RHOU: variants seen among roughly 807,000 people sequenced by gnomAD.
RHOU encodes rho-related GTP-binding protein RhoU.
In RHOU, 8 loss-of-function variants were observed where a neutral mutation model predicts 12.6. That is an observed-to-expected ratio of 0.64 (90% confidence interval 0.37 to 1.15). The LOEUF (loss-of-function observed/expected upper bound fraction) is 1.15, where lower values mean the gene tolerates loss of function less well. Ranked by LOEUF, RHOU falls within the 50% of genes most tolerant of loss-of-function variation. RHOU has a pLI of 0.01. For synonymous variants in RHOU, 161 were observed against 147.4 expected (o/e 1.09, Z -0.67); for missense variants, 258 against 347.0 (o/e 0.74, Z 2.04).
chr1:228,653,054 C>T, the RHOU span, among the ~76,000 whole-genome samples: 1 of 152,176 alleles, frequency 6.6e-6, no homozygotes, highest in African/African-American at 2.4e-5. Context: ...ATATTGGTTA[C>T]ATTGCCATGA....
rs201253390 is a variant in RHOU, at chr1:228,743,341, C to T, written c.378C>T (p.Leu126=). ...LCYTNTDIFL[L]CFSVVSPSSF... ...ACACCAACACAGACATCTTCCTGCTCTGCTTCAGTGTCGTGAGCCCCTCAT... is the reference window on the plus strand; with the variant it reads ...ACACCAACACAGACATCTTCCTGCTTTGCTTCAGTGTCGTGAGCCCCTCAT... Residue 126 remains leucine, a synonymous_variant, in exon 3 of 3, where the codon CTC becomes CTT. Coordinates refer to ENST00000366691, the MANE Select transcript of RHOU (RefSeq NM_021205.6). This position sits in a 1 kb window ranked among gnomAD's most constrained non-coding sequence, Gnocchi z 5.1. The T allele has an allele frequency of 1.2e-5, 20 of 1,614,216 alleles. No homozygotes were observed. In the Admixed American group the frequency reaches 1.7e-4, roughly 13 times the overall value.
chr1:228,682,801 C>T, the RHOU span, among the ~76,000 whole-genome samples: 2 of 152,150 alleles, frequency 1.3e-5, no homozygotes, highest in Non-Finnish European at 2.9e-5. Flanking sequence ...ATATAAATAT[C>T]AGTAAATTTA....
At position 228,743,432 on chromosome 1, in the gene RHOU, A is replaced by T. The variant is rs763438997; in HGVS notation, c.469A>T (p.Ile157Phe). ...IRCHCPKAPI[I>F]LVGTQSDLRE... is the part of the protein sequence containing the mutation. The stretch of plus-strand genomic sequence containing the variant: ...ATGCCACTGTCCCAAAGCCCCCATC[A>T]TCCTAGTTGGAACGCAGTCGGATCT... The change falls in exon 3 of 3, where the codon ATC (isoleucine) becomes TTC (phenylalanine). Residue 157 changes from isoleucine (I) to phenylalanine (F), a missense_variant. Coordinates refer to ENST00000366691, the MANE Select transcript of RHOU (RefSeq NM_021205.6). This position sits in a 1 kb window ranked among gnomAD's most constrained non-coding sequence, Gnocchi z 5.1. 2 of 1,614,150 alleles carry T rather than the reference A, an allele frequency of 1.2e-6. No homozygotes were observed. The highest frequency in any genetic ancestry group is 3.3e-5 in the Admixed American group (2 of 60,026).
the RHOU span, among the ~76,000 whole-genome samples, chr1:228,714,810 C>T: frequency 1.6e-5 from 2 of 125,790 alleles, no homozygotes; most frequent in African/African-American, 6.4e-5. Context: ...ATGGCGTGGT[C>T]TCAGCTCACT....
the RHOU span, chr1:228,687,731 C>T: frequency 1.2e-5 from 17 of 1,443,800 alleles, 1 homozygote; most frequent in African/African-American, 9.8e-5. Context: ...TGGGTGAGCA[C>T]GTGACCAACT....
At chr1:228,648,862 T>G in the RHOU span, among the ~76,000 whole-genome samples, 2 of 67,666 alleles carry the variant, frequency 3.0e-5, no homozygotes, top group Non-Finnish European at 7.8e-5. Context: ...CTCTCTCTCT[T>G]TCTTTCTTTC....
chr1:228,675,264 C>T, the RHOU span, among the ~76,000 whole-genome samples: 2 of 152,102 alleles, frequency 1.3e-5, no homozygotes, highest in Non-Finnish European at 2.9e-5. Context: ...TTTATGGAAT[C>T]TCTATTTTTT....
the RHOU span, chr1:228,650,328 GC>G: frequency 2.2e-6 from 1 of 464,812 alleles, no homozygotes; most frequent in Non-Finnish European, 4.3e-6. Context: ...TTGGCTGCCG[GC>G]CCTACCTGGC....
chr1:228,646,641 C>T, the RHOU span, among the ~76,000 whole-genome samples: 1 of 144,024 alleles, frequency 6.9e-6, no homozygotes, highest in Non-Finnish European at 1.5e-5. Flanking sequence ...TGTTTTGCCC[C>T]GGGCTGGCAC....
At chr1:228,650,854 C>A in the RHOU span, 1 of 400,786 alleles carries the variant, frequency 2.5e-6, no homozygotes, top group South Asian at 2.1e-5. Context: ...AGCTGAATGT[C>A]CCCTTGTGGA....
rs1028245276 is a variant in RHOU, at chr1:228,745,293, A to G, written c.*1553A>G. Reference sequence around the variant, plus strand: ...CAAGGCAGCCTGAACACTCAGTTGCAGGGTCGGGCTTGCGGTGGGTGACCC... The same window carrying G: ...CAAGGCAGCCTGAACACTCAGTTGCGGGGTCGGGCTTGCGGTGGGTGACCC... On this transcript the variant is annotated 3_prime_UTR_variant, in exon 3 of 3. Coordinates refer to ENST00000366691, the MANE Select transcript of RHOU (RefSeq NM_021205.6). 1 of 152,372 alleles carries G rather than the reference A, an allele frequency of 6.6e-6. No individual in the cohort carries two copies. The highest frequency in any genetic ancestry group is 1.5e-5 in the Non-Finnish European group (1 of 68,040). 9.4% of individuals were successfully genotyped at this position (152,372 alleles called of 1,614,324 possible).
the RHOU span, among the ~76,000 whole-genome samples, chr1:228,721,145 T>C: frequency 2.0e-5 from 3 of 151,996 alleles, no homozygotes; most frequent in African/African-American, 7.2e-5. Context: ...CTACTAAAAA[T>C]AGAAAAATTA....
chr1:228,718,043 T>C, the RHOU span, among the ~76,000 whole-genome samples: 2 of 152,202 alleles, frequency 1.3e-5, no homozygotes, highest in Non-Finnish European at 2.9e-5. Flanking sequence ...ATAGTAAAGA[T>C]AGATAACTCA....
At chr1:228,700,003 A>G in the RHOU span, among the ~76,000 whole-genome samples, 6 of 152,232 alleles carry the variant, frequency 3.9e-5, no homozygotes, top group African/African-American at 1.4e-4. Flanking sequence ...GTAATCTACA[A>G]CAGTCACTAA....
the RHOU span, among the ~76,000 whole-genome samples, chr1:228,721,979 C>G: frequency 6.6e-6 from 1 of 152,190 alleles, no homozygotes; most frequent in African/African-American, 2.4e-5. Flanking sequence ...GTTGCGACTT[C>G]TTTCACTGAA....
At chr1:228,706,524 T>C in the RHOU span, among the ~76,000 whole-genome samples, 6 of 152,230 alleles carry the variant, frequency 3.9e-5, no homozygotes, top group Non-Finnish European at 7.3e-5. Context: ...CAGTGATTGG[T>C]ACAAGGGTAG....
the RHOU span, among the ~76,000 whole-genome samples, chr1:228,693,852 T>C: frequency 1.3e-5 from 2 of 152,192 alleles, no homozygotes; most frequent in Non-Finnish European, 2.9e-5. Flanking sequence ...TTAACCAAGG[T>C]AGTATTCTTT....
chr1:228,698,890 T>C, the RHOU span, among the ~76,000 whole-genome samples: 93,613 of 152,052 alleles, frequency 0.62, 31,472 homozygotes, highest in African/African-American at 0.9. Flanking sequence ...ACAAGACCCC[T>C]TTTCTTGTTT....
At chr1:228,676,140 C>CCCT in the RHOU span, among the ~76,000 whole-genome samples, 1,055 of 145,560 alleles carry the variant, frequency 7.2e-3, 7 homozygotes, top group African/African-American at 0.025. Context: ...CGCCCCCCCC[C>CCCT]TTTTTTTTTT....
Sources: gnomAD v4.1 joint callset for allele counts (sites outside exome capture counted in the v4.1 genomes callset) on GRCh38, gnomAD v4.1.1 for gene constraint, Gnocchi (gnomAD v3.1) non-coding constraint, MANE v1.5 for transcripts, NCBI Gene and HGNC (gene_info 2026-07-23, HGNC 2026-07-21) for gene names.